TIAM1: variants seen among roughly 807,000 people sequenced by gnomAD.
TIAM1 encodes rho guanine nucleotide exchange factor TIAM1.
A neutral mutation model predicts 163.5 loss-of-function variants in TIAM1; 65 were observed. The observed-to-expected ratio is 0.40, with a 90% CI of 0.33 to 0.49. The LOEUF (loss-of-function observed/expected upper bound fraction) is 0.49. Among genes scored for constraint, TIAM1 ranks in the 20% least tolerant of loss-of-function variants. The probability of loss-of-function intolerance (pLI) is 0.77; values close to 1 mark genes in which losing one functional copy is unlikely to be tolerated. For synonymous variants in TIAM1, 833 were observed against 810.1 expected (o/e 1.03, Z -0.48); for missense variants, 1,789 against 2,044.7 (o/e 0.87, Z 2.41).
intron 2 of TIAM1, among the ~76,000 whole-genome samples, chr21:31,354,897 G>C (rs923109586): frequency 1.3e-5 from 2 of 152,172 alleles, no homozygotes; most frequent in African/African-American, 4.8e-5. Flanking sequence ...CAGACGCCAA[G>C]ATAAGTCATC....
intron 2 of TIAM1, among the ~76,000 whole-genome samples, chr21:31,315,408 G>A (rs191508306): frequency 3.3e-5 from 5 of 151,936 alleles, no homozygotes; most frequent in South Asian, 2.1e-4. Flanking sequence ...CCAGCTACTC[G>A]GGAGGCTGAG....
chr21:31,335,379 T>C (rs1226427830), intron 2 of TIAM1, among the ~76,000 whole-genome samples: 11 of 152,060 alleles, frequency 7.2e-5, no homozygotes, highest in Admixed American at 7.2e-4. Flanking sequence ...AACAGTGAAA[T>C]GCTAGGAGGA....
Position 31,124,506 on chromosome 21 carries a change from C to T in TIAM1, c.4306+16G>A, listed in dbSNP as rs200112270. 1.7e-5 allele frequency: 28 copies of T among 1,611,434 alleles called. No individual in the cohort carries two copies. The Admixed American group carries it at 2.7e-4, about 15-fold the overall frequency. On this transcript the variant is annotated intron_variant, in intron 27 of 27. Transcript: ENST00000541036. Reference sequence around the variant, plus strand: ...GGGGGTGACGGGAATCTTGAACGTCCGAATCCCCACAGTACCTGCCCTGCT... The same window carrying T: ...GGGGGTGACGGGAATCTTGAACGTCTGAATCCCCACAGTACCTGCCCTGCT...
At chr21:31,433,633 G>C (rs974164426) in intron 2 of TIAM1, among the ~76,000 whole-genome samples, 1 of 152,190 alleles carries the variant, frequency 6.6e-6, no homozygotes, top group Non-Finnish European at 1.5e-5. Context: ...CTTGGAGGCT[G>C]AGAGATTTTA....
chr21:31,197,644 C>T (rs1437713769), intron 12 of TIAM1, among the ~76,000 whole-genome samples: 2 of 151,596 alleles, frequency 1.3e-5, no homozygotes, highest in Non-Finnish European at 2.9e-5. Flanking sequence ...GCTGGGATTA[C>T]AGGCGTGAGC....
At chr21:31,486,529 A>C (rs1010871007) in intron 1 of TIAM1, among the ~76,000 whole-genome samples, 18 of 152,178 alleles carry the variant, frequency 1.2e-4, no homozygotes, top group Non-Finnish European at 1.9e-4. Context: ...AGGTCCGACA[A>C]ATATTATGTG....
intron 2 of TIAM1, among the ~76,000 whole-genome samples, chr21:31,364,141 A>G (rs1188641641): frequency 6.6e-6 from 1 of 152,212 alleles, no homozygotes; most frequent in Non-Finnish European, 1.5e-5. Context: ...CATTCACAAT[A>G]GCACTAGCCG....
chr21:31,137,111 G>A lies in TIAM1; in HGVS notation c.3775-1070C>T, dbSNP rs74963075. 4.0e-3 allele frequency among the ~76,000 whole-genome samples: 615 copies of A among 152,298 alleles called. 1 individual carries two copies. The highest frequency in any genetic ancestry group is 6.1e-3 in the Non-Finnish European group (418 of 68,020). On this transcript the variant is annotated intron_variant, in intron 22 of 27. Transcript: ENST00000541036. Reference sequence around the variant, plus strand: ...AACGTCTATGCCTCACAACAGTCCCGTCTGCTTTTCTCACTGCAGTCACTG... The same window carrying A: ...AACGTCTATGCCTCACAACAGTCCCATCTGCTTTTCTCACTGCAGTCACTG...
At chr21:31,272,866 A>C (rs1441637043) in intron 3 of TIAM1, among the ~76,000 whole-genome samples, 1 of 152,234 alleles carries the variant, frequency 6.6e-6, no homozygotes, top group African/African-American at 2.4e-5. Flanking sequence ...GTGATCAGAA[A>C]GTACAAAGCA....
Position 31,554,743 on chromosome 21 carries a change from G to A in TIAM1, c.-422+4184C>T, listed in dbSNP as rs112885887. Among the ~76,000 whole-genome samples, 325 of 152,234 alleles carry A rather than the reference G, an allele frequency of 2.1e-3. 4 individuals are homozygous for A. The highest frequency in any genetic ancestry group is 7.5e-3 in the African/African-American group (313 of 41,540). ...TCCACCTCTGCAATCCTTTCAGTGA[G>A]CTGAGACCCCACTCCAGGGCTCCGT... On this transcript the variant is annotated intron_variant, in intron 1 of 28. Transcript: ENST00000286827.
chr21:31,269,671 GTTTTTTTTTTT>G (rs11350283), intron 3 of TIAM1, among the ~76,000 whole-genome samples: 1 of 124,252 alleles, frequency 8.0e-6, no homozygotes, highest in Admixed American at 8.0e-5. Flanking sequence ...AAGTTTGTTT[GTTTTTTTTTTT>G]TTTTTTTGAG....
chr21:31,285,271 G>T (rs1157482287), intron 2 of TIAM1, among the ~76,000 whole-genome samples: 1 of 152,196 alleles, frequency 6.6e-6, no homozygotes, highest in Non-Finnish European at 1.5e-5. Flanking sequence ...AGCTTGTGGG[G>T]GGGGCGGTGA....
chr21:31,211,923 G>A (rs910244176), intron 10 of TIAM1, among the ~76,000 whole-genome samples: 8 of 152,150 alleles, frequency 5.3e-5, no homozygotes, highest in African/African-American at 1.7e-4. Context: ...AAAAACTTTC[G>A]CAGTTTCCAA....
intron 1 of TIAM1, chr21:31,558,880 G>A (rs902848926): frequency 6.6e-6 from 1 of 152,046 alleles, no homozygotes; most frequent in Non-Finnish European, 1.5e-5. Flanking sequence ...CGTCTCCCGG[G>A]GCGGCTCCGG....
At chr21:31,554,584 C>T (rs6517046) in intron 1 of TIAM1, among the ~76,000 whole-genome samples, 41,874 of 152,130 alleles carry the variant, frequency 0.28, 5,929 homozygotes, top group Middle Eastern at 0.44. Flanking sequence ...CATTCTGAAA[C>T]TGAGATTGTG....
chr21:31,205,966 C>CA (rs1425315933), intron 11 of TIAM1, among the ~76,000 whole-genome samples: 3 of 151,124 alleles, frequency 2.0e-5, no homozygotes, highest in South Asian at 2.1e-4. Flanking sequence ...GACCCTGTCT[C>CA]AAAAAAAATT....
chr21:31,203,034 G>A, intron 11 of TIAM1, 22 bp from the exon 12 acceptor site: 1 of 1,586,540 alleles, frequency 6.3e-7, no homozygotes, highest in Non-Finnish European at 8.6e-7. Context: ...AAGAAAGAAA[G>A]AAAGAAAATG....
At chr21:31,543,790 C>T (rs1480492458) in intron 1 of TIAM1, among the ~76,000 whole-genome samples, 1 of 152,200 alleles carries the variant, frequency 6.6e-6, no homozygotes, top group Non-Finnish European at 1.5e-5. Flanking sequence ...AAGGTCTGGA[C>T]CAGTAGGGCT....
At chr21:31,209,408 A>C (rs2086613382) in intron 11 of TIAM1, among the ~76,000 whole-genome samples, 1 of 152,250 alleles carries the variant, frequency 6.6e-6, no homozygotes, top group African/African-American at 2.4e-5. Flanking sequence ...GAAAAAGATC[A>C]AGGCATTTCT....
Sources: gnomAD v4.1 joint callset for allele counts (sites outside exome capture counted in the v4.1 genomes callset) on GRCh38, gnomAD v4.1.1 for gene constraint, MANE v1.5 for transcripts, NCBI Gene and HGNC (gene_info 2026-07-23, HGNC 2026-07-21) for gene names.